The following MTUS1 variants were observed in gnomAD, a reference collection of about 807,000 sequenced individuals.
The protein encoded by MTUS1 is microtubule-associated tumor suppressor 1.
MTUS1 carries 109 observed loss-of-function variants against 120.8 expected under a neutral mutation model. The observed-to-expected ratio is 0.90, with a 90% CI of 0.77 to 1.06. The LOEUF (loss-of-function observed/expected upper bound fraction) is 1.06, where lower values mean the gene tolerates loss of function less well. Ranked by LOEUF, MTUS1 falls within the 50% of genes least tolerant of loss-of-function variation. The probability of loss-of-function intolerance (pLI) is 0.00; values close to 1 mark genes in which losing one functional copy is unlikely to be tolerated. For missense variants in MTUS1, 2,210 were observed against 1,486.3 expected, an observed-to-expected ratio of 1.49 and a Z score of -8.01; for synonymous variants, 737 against 550.5, an observed-to-expected ratio of 1.34 and a Z score of -4.74.
At chr8:17,724,525 CCACA>C (rs59791814) in intron 3 of MTUS1, among the ~76,000 whole-genome samples, 7,744 of 152,092 alleles carry the variant, frequency 0.051, 282 homozygotes, top group East Asian at 0.23. Flanking sequence ...TCTTTACTCC[CCACA>C]CAGTTTATTT....
chr8:17,772,105 T>A (rs1373213001), intron 1 of MTUS1, among the ~76,000 whole-genome samples: 7 of 152,210 alleles, frequency 4.6e-5, no homozygotes, highest in Admixed American at 4.6e-4. Context: ...TACCATCATC[T>A]TGCCTCATAA....
At chr8:17,788,855 C>G (rs1215699560) in intron 1 of MTUS1, among the ~76,000 whole-genome samples, 3 of 152,096 alleles carry the variant, frequency 2.0e-5, no homozygotes. Context: ...AGAGGCAAAA[C>G]AGTAAGTTTC....
At chr8:17,673,379 G>A (rs1812416649) in intron 8 of MTUS1, among the ~76,000 whole-genome samples, 1 of 152,176 alleles carries the variant, frequency 6.6e-6, no homozygotes, top group African/African-American at 2.4e-5. Context: ...CTGATGTCTT[G>A]GCTAGGTATT....
At chr8:17,664,611 G>GTACA (rs1810490666) in intron 8 of MTUS1, among the ~76,000 whole-genome samples, 1 of 151,778 alleles carries the variant, frequency 6.6e-6, no homozygotes, top group African/African-American at 2.4e-5. Context: ...TTCTTCAACA[G>GTACA]TACATACCCA....
At chr8:17,776,975 A>T (rs978062178) in intron 1 of MTUS1, among the ~76,000 whole-genome samples, 3 of 152,144 alleles carry the variant, frequency 2.0e-5, no homozygotes, top group Non-Finnish European at 4.4e-5. Flanking sequence ...CTTACTTAAA[A>T]TGGAAAACCT....
intron 8 of MTUS1, among the ~76,000 whole-genome samples, chr8:17,670,163 G>C (rs927384340): frequency 1.3e-5 from 2 of 152,216 alleles, no homozygotes; most frequent in African/African-American, 2.4e-5. Flanking sequence ...TGAGGAACAG[G>C]GGTGAATGAG....
intron 1 of MTUS1, chr8:17,758,053 A>C (rs948472111): frequency 1.3e-5 from 2 of 152,134 alleles, no homozygotes; most frequent in Non-Finnish European, 2.9e-5. Flanking sequence ...ATTCAATGTC[A>C]ATCCGATGTC....
intron 8 of MTUS1, among the ~76,000 whole-genome samples, chr8:17,670,325 T>C (rs1811756653): frequency 6.6e-6 from 1 of 152,128 alleles, no homozygotes; most frequent in South Asian, 2.1e-4. Context: ...GTCACTGTTG[T>C]ATAGGTAGTA....
intron 3 of MTUS1, among the ~76,000 whole-genome samples, chr8:17,728,591 G>C (rs149924054): frequency 5.3e-4 from 80 of 152,304 alleles, no homozygotes; most frequent in African/African-American, 1.9e-3. Context: ...GTAAACTAAA[G>C]AAAACATCAT....
chr8:17,715,872 C>A lies in MTUS1; in HGVS notation c.2479G>T (p.Glu827Ter). Reference protein sequence around the residue: ...SGNAAVIKYEEKPPKPAFQNG... With the variant: ...SGNAAVIKYE ...TGAAATGCTGGTTTTGGAGGTTTCT[C>A]CTCATATTTGATGACAGCGGCATTA... The change falls in exon 5 of 15, where the codon GAG becomes TAG. Residue 827 changes from glutamate (E) to a stop codon, truncating the protein, a stop_gained. Transcript: ENST00000693296. LOFTEE classifies it high-confidence loss of function. The A allele has an allele frequency of 6.2e-7, 1 of 1,613,624 alleles. No homozygotes were observed. Among genetic ancestry groups the A allele is most frequent in the Non-Finnish European group, 8.5e-7 (1 of 1,179,876 alleles).
chr8:17,658,540 A>T (rs1808962230), intron 8 of MTUS1, among the ~76,000 whole-genome samples: 1 of 152,202 alleles, frequency 6.6e-6, no homozygotes, highest in African/African-American at 2.4e-5. Context: ...ACAGGGTACT[A>T]CTGTAACTGT....
intron 8 of MTUS1, among the ~76,000 whole-genome samples, chr8:17,658,333 A>G (rs1808910106): frequency 6.6e-6 from 1 of 152,212 alleles, no homozygotes; most frequent in Non-Finnish European, 1.5e-5. Flanking sequence ...TCTGATACAC[A>G]TAATTGAAAA....
intron 6 of MTUS1, among the ~76,000 whole-genome samples, chr8:17,705,293 G>C (rs2130946513): frequency 6.6e-6 from 1 of 152,124 alleles, no homozygotes; most frequent in East Asian, 1.9e-4. Context: ...CTGTTTCTAA[G>C]GTTTTTTAAA....
intron 6 of MTUS1, among the ~76,000 whole-genome samples, chr8:17,698,121 A>G (rs1205001222): frequency 6.6e-6 from 1 of 152,248 alleles, no homozygotes; most frequent in Non-Finnish European, 1.5e-5. Context: ...GACCTCACAA[A>G]TAATCAACAG....
intron 1 of MTUS1, among the ~76,000 whole-genome samples, chr8:17,757,578 G>C (rs771025435): frequency 6.6e-6 from 1 of 152,162 alleles, no homozygotes; most frequent in Non-Finnish European, 1.5e-5. Context: ...CCAGGCTGGA[G>C]TGCAGTGATG....
At chr8:17,696,837 T>C (rs1395892603) in intron 6 of MTUS1, among the ~76,000 whole-genome samples, 1 of 152,204 alleles carries the variant, frequency 6.6e-6, no homozygotes, top group Non-Finnish European at 1.5e-5. Context: ...AACTGTCAAA[T>C]CTGACTGAGA....
At chr8:17,743,881 C>T (rs1331655552) in intron 2 of MTUS1, 82 bp from the exon 3 acceptor site, 7 of 1,222,548 alleles carry the variant, frequency 5.7e-6, no homozygotes, top group Admixed American at 4.7e-5. Flanking sequence ...CTCCTCTAGG[C>T]CAAGGCAATT....
intron 1 of MTUS1, among the ~76,000 whole-genome samples, chr8:17,771,395 A>C (rs1185961231): frequency 6.6e-6 from 1 of 152,234 alleles, no homozygotes; most frequent in Admixed American, 6.5e-5. Context: ...TTTATGCTCC[A>C]ATGGAATCAA....
At chr8:17,760,898 G>C (rs1159093253) in intron 1 of MTUS1, among the ~76,000 whole-genome samples, 1 of 150,466 alleles carries the variant, frequency 6.6e-6, no homozygotes, top group East Asian at 1.9e-4. Flanking sequence ...CCAGAACAAA[G>C]GTATAACACC....
Sources: allele counts gnomAD v4.1 joint callset (sites outside exome capture counted in the v4.1 genomes callset), GRCh38; gene constraint gnomAD v4.1.1; transcripts MANE v1.5; gene names NCBI Gene and HGNC (gene_info 2026-07-23, HGNC 2026-07-21).